The following BCKDHB variants were observed in gnomAD, a reference collection of about 807,000 sequenced individuals.
The protein encoded by BCKDHB is 2-oxoisovalerate dehydrogenase subunit beta, mitochondrial.
BCKDHB carries 41 observed loss-of-function variants against 48.5 expected under a neutral mutation model. The ratio of observed to expected loss-of-function variants is 0.85; its 90% CI spans 0.66 to 1.10. BCKDHB has a LOEUF of 1.10. Ranked by LOEUF, BCKDHB falls within the 50% of genes least tolerant of loss-of-function variation. BCKDHB has a pLI of 0.00. For synonymous variants in BCKDHB, 201 were observed against 174.8 expected, an observed-to-expected ratio of 1.15 and a Z score of -1.18; for missense variants, 496 against 494.2, an observed-to-expected ratio of 1.00 and a Z score of -0.03.
At chr6:80,318,472 A>C (rs986202440) in intron 9 of BCKDHB, among the ~76,000 whole-genome samples, 1 of 152,110 alleles carries the variant, frequency 6.6e-6, no homozygotes, top group Non-Finnish European at 1.5e-5. Context: ...GGATCACCTG[A>C]GGTCAGGAGT....
intron 8 of BCKDHB, among the ~76,000 whole-genome samples, chr6:80,246,256 T>C (rs568609986): frequency 1.3e-5 from 2 of 152,210 alleles, no homozygotes; most frequent in South Asian, 4.1e-4. Context: ...AGTTTCTCAG[T>C]GCATGGGAAG....
In BCKDHB at chr6:80,107,527, A is replaced by G. The variant is rs1231105941; in HGVS notation, c.196+638A>G. The stretch of plus-strand genomic sequence containing the variant: ...TATATATGTGCGCATATATATATAT[A>G]TGCATATATATATATGCACACATAT... On this transcript the variant is annotated intron_variant, in intron 1 of 9. Coordinates refer to ENST00000320393, the MANE Select transcript of BCKDHB (RefSeq NM_183050.4). 2.2e-4 allele frequency among the ~76,000 whole-genome samples: 23 copies of G among 103,496 alleles called. 1 individual carries two copies. The highest frequency in any genetic ancestry group is 8.5e-4 in the African/African-American group (22 of 25,810). 67.9% of individuals were successfully genotyped at this position (103,496 alleles called of 152,430 possible).
At chr6:80,169,525 G>A (rs1464353400) in intron 5 of BCKDHB, among the ~76,000 whole-genome samples, 2 of 151,878 alleles carry the variant, frequency 1.3e-5, no homozygotes, top group Admixed American at 6.6e-5. Context: ...TTTAAAGTTA[G>A]GTAATACTTG....
chr6:80,365,595 C>T, the BCKDHB span, among the ~76,000 whole-genome samples: 1 of 152,044 alleles, frequency 6.6e-6, no homozygotes. Flanking sequence ...TCCCTTGTTC[C>T]CTAAAAATTG....
chr6:80,127,623 AGGTAACCCTG>A lies in BCKDHB; in HGVS notation c.274_274+9del. ...ACTCATTGGCCAAAGATCCTACTGCAGGTAACCCTGATATGTGCCTGAATTGTGGTAGCTG... is the reference window on the plus strand; with the variant it reads ...ACTCATTGGCCAAAGATCCTACTGCAATATGTGCCTGAATTGTGGTAGCTG... On this transcript the variant is annotated splice_donor_variant and splice_donor_5th_base_variant and coding_sequence_variant and intron_variant, in exon 2 of 10. Transcript: ENST00000320393. LOFTEE classifies it high-confidence loss of function. The A allele has an allele frequency of 6.2e-7, 1 of 1,611,442 alleles. No homozygotes were observed. Among genetic ancestry groups the A allele is most frequent in the Non-Finnish European group, 8.5e-7 (1 of 1,177,698 alleles).
In BCKDHB at chr6:80,266,425, G is replaced by A. The variant is rs557462048; in HGVS notation, c.952-6710G>A. ...GAAATGGGGCAAAAAACTTTTGAAA[G>A]CATTTATTTACTATTTACCCATGTT... On this transcript the variant is annotated intron_variant, in intron 8 of 9. Coordinates refer to ENST00000320393, the MANE Select transcript of BCKDHB (RefSeq NM_183050.4). Among the ~76,000 whole-genome samples, 5 of 152,006 alleles carry A rather than the reference G, an allele frequency of 3.3e-5. No homozygotes were observed. The South Asian group carries it at 6.2e-4, about 19-fold the overall frequency.
At chr6:80,371,695 A>G in the BCKDHB span, among the ~76,000 whole-genome samples, 3 of 152,086 alleles carry the variant, frequency 2.0e-5, no homozygotes, top group Non-Finnish European at 2.9e-5. Flanking sequence ...TCATTCTTCT[A>G]CATGTGGCTT....
the BCKDHB span, among the ~76,000 whole-genome samples, chr6:80,401,709 T>G: frequency 1.3e-5 from 2 of 151,854 alleles, no homozygotes; most frequent in South Asian, 4.1e-4. Context: ...TAAAATTTTG[T>G]ACCCTTTAAC....
chr6:80,341,377 C>A (rs1206937148), intron 9 of BCKDHB, among the ~76,000 whole-genome samples: 2 of 152,060 alleles, frequency 1.3e-5, no homozygotes, highest in Non-Finnish European at 2.9e-5. Context: ...TTTCGAAAAA[C>A]CAAAACAATA....
chr6:80,436,117 T>C, the BCKDHB span, among the ~76,000 whole-genome samples: 106 of 147,048 alleles, frequency 7.2e-4, no homozygotes, highest in African/African-American at 2.1e-3. Flanking sequence ...AATATTAACT[T>C]TGTTTGTATT....
the BCKDHB span, among the ~76,000 whole-genome samples, chr6:80,436,321 G>T: frequency 6.6e-6 from 1 of 151,434 alleles, no homozygotes. Context: ...ACCACACCTG[G>T]CTAATTTTGC....
chr6:80,427,330 A>G, the BCKDHB span, among the ~76,000 whole-genome samples: 1 of 152,028 alleles, frequency 6.6e-6, no homozygotes, highest in Non-Finnish European at 1.5e-5. Flanking sequence ...TAATACTATA[A>G]CACTTTATAT....
downstream of BCKDHB, among the ~76,000 whole-genome samples, chr6:80,347,484 GC>G (rs550749371): frequency 2.2e-4 from 33 of 152,086 alleles, no homozygotes; most frequent in Non-Finnish European, 4.6e-4. Context: ...GCGGTGGTCT[GC>G]CACCTTGGCC....
the BCKDHB span, among the ~76,000 whole-genome samples, chr6:80,426,614 A>G: frequency 8.9e-4 from 136 of 152,194 alleles, no homozygotes; most frequent in African/African-American, 3.3e-3. Flanking sequence ...TTAAATTTCT[A>G]AAGATGTGGG....
At chr6:80,337,714 G>A (rs2128014978) in intron 9 of BCKDHB, among the ~76,000 whole-genome samples, 1 of 151,970 alleles carries the variant, frequency 6.6e-6, no homozygotes, top group East Asian at 1.9e-4. Flanking sequence ...AAATAACCTG[G>A]ACCTTGCTGT....
At chr6:80,328,892 T>A (rs1346412830) in intron 9 of BCKDHB, among the ~76,000 whole-genome samples, 2 of 152,204 alleles carry the variant, frequency 1.3e-5, no homozygotes, top group Non-Finnish European at 2.9e-5. Flanking sequence ...TTCCTACTCC[T>A]TGCCAAAGAT....
chr6:80,461,660 T>C, the BCKDHB span, among the ~76,000 whole-genome samples: 1 of 152,198 alleles, frequency 6.6e-6, no homozygotes, highest in African/African-American at 2.4e-5. Flanking sequence ...TTTTCCATCT[T>C]TCCTCTTGTA....
chr6:80,392,663 C>G, the BCKDHB span, among the ~76,000 whole-genome samples: 1 of 151,388 alleles, frequency 6.6e-6, no homozygotes, highest in Admixed American at 6.6e-5. Context: ...TTTTTTGATG[C>G]TATAGCAAAT....
At chr6:80,147,649 G>A (rs1315776967) in intron 3 of BCKDHB, among the ~76,000 whole-genome samples, 2 of 152,102 alleles carry the variant, frequency 1.3e-5, no homozygotes, top group African/African-American at 2.4e-5. Flanking sequence ...TGTGACCTTC[G>A]GTGTGCGTCA....
Sources: allele counts gnomAD v4.1 joint callset (sites outside exome capture counted in the v4.1 genomes callset), GRCh38; gene constraint gnomAD v4.1.1; transcripts MANE v1.5; gene names NCBI Gene and HGNC (gene_info 2026-07-23, HGNC 2026-07-21).